The following MAFA variants were observed in gnomAD, a reference collection of about 807,000 sequenced individuals.
MAFA encodes the protein MAF bZIP transcription factor A, also known as transcription factor MafA.
For missense variants in MAFA, 547 were observed against 538.0 expected (o/e 1.02, Z -0.16); for synonymous variants, 244 against 260.3 (o/e 0.94, Z 0.60).
At position 143,430,455 on chromosome 8, in the gene MAFA, G is replaced by T. The variant is rs977553717; in HGVS notation, c.-49C>A. On this transcript the variant is annotated 5_prime_UTR_variant, in exon 1 of 1. Transcript: ENST00000333480. ...CGCCCCGACGGGCGGCGTGGGAGTG[G>T]GGGGGGAGCTGCAGGCCTCTCCCCC... The T allele has an allele frequency of 2.0e-4, 176 of 861,692 alleles. No individual in the cohort carries two copies. The highest frequency in any genetic ancestry group is 2.4e-4 in the Non-Finnish European group (162 of 685,866). 53.4% of individuals were successfully genotyped at this position (861,692 alleles called of 1,614,324 possible).
In MAFA at chr8:143,430,064, C is replaced by G; in HGVS notation, c.343G>C (p.Asp115His). 1.6e-6 allele frequency: 2 copies of G among 1,263,926 alleles called. No homozygotes were observed. The highest frequency in any genetic ancestry group is 7.4e-5 in the East Asian group (2 of 27,018). 78.3% of individuals were successfully genotyped at this position (1,263,926 alleles called of 1,614,324 possible). A position where few individuals can be genotyped will look rare whatever the true frequency, so the allele number is the denominator to read the frequency against. Residue 115 changes from aspartate to histidine, a missense_variant, in exon 1 of 1, where the codon GAT becomes CAT. Transcript: ENST00000333480. Reference protein sequence around the residue: ...GGTSGKPALEDLYWMSGYQHH... With the variant: ...GGTSGKPALEHLYWMSGYQHH... Reference sequence around the variant, plus strand: ...TGGTAGCCGCTCATCCAGTACAGATCCTCCAGCGCCGGCTTCCCCGAGGTG... The same window carrying G: ...TGGTAGCCGCTCATCCAGTACAGATGCTCCAGCGCCGGCTTCCCCGAGGTG...
chr8:143,429,975 G>T lies in MAFA; in HGVS notation c.432C>A (p.Gly144=). 7.6e-7 allele frequency: 1 copy of T among 1,307,380 alleles called. No homozygotes were observed. The highest frequency in any genetic ancestry group is 3.4e-5 in the East Asian group (1 of 29,284). 81.0% of individuals were successfully genotyped at this position (1,307,380 alleles called of 1,614,324 possible). A position where few individuals can be genotyped will look rare whatever the true frequency, so the allele number is the denominator to read the frequency against. Residue 144 remains glycine, a synonymous_variant, in exon 1 of 1, where the codon GGC becomes GGA. Coordinates refer to ENST00000333480, the MANE Select transcript of MAFA (RefSeq NM_201589.4). The surrounding 1 kb of genome is among the most constrained non-coding windows in gnomAD (Gnocchi z 5.9). The part of the protein sequence containing the change: ...TPEDAVEALI[G]SGHHGAHHGA... ...CGTGGTGCGCGCCGTGGTGGCCGCT[G>T]CCGATGAGCGCCTCCACCGCGTCCT...
rs924742995 is a variant in MAFA, at chr8:143,430,583, G to C, written c.-177C>G. 7.0e-6 allele frequency among the ~76,000 whole-genome samples: 1 copy of C among 142,430 alleles called. No individual in the cohort carries two copies. 93.4% of individuals were successfully genotyped at this position (142,430 alleles called of 152,430 possible). Reference sequence around the variant, plus strand: ...GAAAAGTTTCACGTGGTCAACTCCGGGGCGGCGCGCTAGGGGCACCGCTGG... The same window carrying C: ...GAAAAGTTTCACGTGGTCAACTCCGCGGCGGCGCGCTAGGGGCACCGCTGG... On this transcript the variant is annotated 5_prime_UTR_variant, in exon 1 of 1. Transcript: ENST00000333480.
In MAFA at chr8:143,430,110, C is replaced by T. The variant is rs1322270572; in HGVS notation, c.297G>A (p.Gly99=). Residue 99 remains glycine, a synonymous_variant, in exon 1 of 1, where the codon GGG becomes GGA. Transcript: ENST00000333480. ...AGGTGCCCCCGACGGCGCCGGGGCC[C>T]CCGCTCGGCGGCCCGGGGGCGCCCC... ...QAGGAPGPPS[G]GPGAVGGTSG... is the part of the protein sequence containing the mutation. 3 of 1,127,400 alleles carry T rather than the reference C, an allele frequency of 2.7e-6. No homozygotes were observed. Among genetic ancestry groups the T allele is most frequent in the Admixed American group, 5.1e-5 (1 of 19,600 alleles). 69.8% of individuals were successfully genotyped at this position (1,127,400 alleles called of 1,614,324 possible).
rs1037978874 is a variant in MAFA at position 143,429,605 on chromosome 8, C to A, written c.802G>T (p.Ala268Ser). The change falls in exon 1 of 1, where the codon GCG becomes TCG. Residue 268 changes from alanine (A) to serine (S), a missense_variant. By Grantham distance (99) the Ala-to-Ser change is moderately conservative. Coordinates refer to ENST00000333480, the MANE Select transcript of MAFA (RefSeq NM_201589.4). This position sits in a 1 kb window ranked among gnomAD's most constrained non-coding sequence, Gnocchi z 5.9. ...ACCCGCTTGAAGCGGCAGGACTGCG[C>A]GTAGCCGCGGTTCTTGAGCGTGCGC... ...KRRTLKNRGY[A>S]QSCRFKRVQQ... is the part of the protein sequence containing the mutation. 6.2e-7 allele frequency: 1 copy of A among 1,600,232 alleles called. No homozygotes were observed. Among genetic ancestry groups the A allele is most frequent in the Non-Finnish European group, 8.5e-7 (1 of 1,178,628 alleles).
chr8:143,429,932 C>A lies in MAFA; in HGVS notation c.475G>T (p.Ala159Ser). The A allele has an allele frequency of 6.3e-6, 8 of 1,262,596 alleles. No homozygotes were observed. The highest frequency in any genetic ancestry group is 7.9e-6 in the Non-Finnish European group (8 of 1,007,958). The allele number at this position is 1,262,596 out of a possible 1,614,324, so 78.2% of individuals were successfully genotyped here. A position where few individuals can be genotyped will look rare whatever the true frequency, so the allele number is the denominator to read the frequency against. ...CGGAAAGCCTCGTAGGCTGCGGCGG[C>A]CGCCGGGTGGTGCGCGCCGTGGTGC... Reference protein sequence around the residue: ...GAHHGAHHPAAAAAYEAFRGP... With the variant: ...GAHHGAHHPASAAAYEAFRGP... The change falls in exon 1 of 1, where the codon GCC (alanine) becomes TCC (serine). Residue 159 changes from alanine to serine, a missense_variant. Ala to Ser is a moderately conservative substitution (Grantham distance 99, BLOSUM62 1). Transcript: ENST00000333480. This position sits in a 1 kb window ranked among gnomAD's most constrained non-coding sequence, Gnocchi z 5.9.
rs1233018780 is a variant in MAFA at position 143,429,947 on chromosome 8, C to G, written c.460G>C (p.Ala154Pro). ...GSGHHGAHHG[A>P]HHPAAAAAYE... ...GCTGCGGCGGCCGCCGGGTGGTGCG[C>G]GCCGTGGTGCGCGCCGTGGTGGCCG... The change falls in exon 1 of 1, where the codon GCG (alanine) becomes CCG (proline). Residue 154 changes from alanine to proline, a missense_variant. Coordinates refer to ENST00000333480, the MANE Select transcript of MAFA (RefSeq NM_201589.4). This position sits in a 1 kb window ranked among gnomAD's most constrained non-coding sequence, Gnocchi z 5.9. The G allele has an allele frequency of 3.2e-6, 4 of 1,261,144 alleles. No individual in the cohort carries two copies. The highest frequency in any genetic ancestry group is 4.0e-6 in the Non-Finnish European group (4 of 1,004,654). 78.1% of individuals were successfully genotyped at this position (1,261,144 alleles called of 1,614,324 possible). A position where few individuals can be genotyped will look rare whatever the true frequency, so the allele number is the denominator to read the frequency against.
chr8:143,430,002 G>C lies in MAFA; in HGVS notation c.405C>G (p.Pro135=). ...CGATGAGCGCCTCCACCGCGTCCTC[G>C]GGCGTCAGGTTGAGCGCCTCGGGGT... ...HLNPEALNLT[P]EDAVEALIGS... Residue 135 remains proline, a synonymous_variant, in exon 1 of 1, where the codon CCC becomes CCG. Coordinates refer to ENST00000333480, the MANE Select transcript of MAFA (RefSeq NM_201589.4). 2 of 1,362,982 alleles carry C rather than the reference G, an allele frequency of 1.5e-6. No homozygotes were observed. Among genetic ancestry groups the C allele is most frequent in the Non-Finnish European group, 1.9e-6 (2 of 1,049,816 alleles). 84.4% of individuals were successfully genotyped at this position (1,362,982 alleles called of 1,614,324 possible). A position where few individuals can be genotyped will look rare whatever the true frequency, so the allele number is the denominator to read the frequency against.
rs770377222 is a variant in MAFA at position 143,429,978 on chromosome 8, G to A, written c.429C>T (p.Ile143=). 8 of 1,310,086 alleles carry A rather than the reference G, an allele frequency of 6.1e-6. No individual in the cohort carries two copies. The South Asian group carries it at 9.7e-5, about 16-fold the overall frequency. The allele number at this position is 1,310,086 out of a possible 1,614,324, so 81.2% of individuals were successfully genotyped here. A position where few individuals can be genotyped will look rare whatever the true frequency, so the allele number is the denominator to read the frequency against. ...GGTGCGCGCCGTGGTGGCCGCTGCCGATGAGCGCCTCCACCGCGTCCTCGG... is the reference window on the plus strand; with the variant it reads ...GGTGCGCGCCGTGGTGGCCGCTGCCAATGAGCGCCTCCACCGCGTCCTCGG... The part of the protein sequence containing the change: ...LTPEDAVEAL[I]GSGHHGAHHG... Residue 143 remains isoleucine (I), a synonymous_variant, in exon 1 of 1, where the codon ATC becomes ATT. Coordinates refer to ENST00000333480, the MANE Select transcript of MAFA (RefSeq NM_201589.4). The surrounding 1 kb of genome is among the most constrained non-coding windows in gnomAD (Gnocchi z 5.9).
Position 143,429,269 on chromosome 8 carries a change from G to A in MAFA, c.*76C>T. 1 of 1,278,982 alleles carries A rather than the reference G, an allele frequency of 7.8e-7. No individual in the cohort carries two copies. Among genetic ancestry groups the A allele is most frequent in the Non-Finnish European group, 9.8e-7 (1 of 1,020,554 alleles). 79.2% of individuals were successfully genotyped at this position (1,278,982 alleles called of 1,614,324 possible). ...CCTGGTGTCCACGTCCTGTACCGCGGAGTCCGAGCCGAGGCCCCGAGAGGC... is the reference window on the plus strand; with the variant it reads ...CCTGGTGTCCACGTCCTGTACCGCGAAGTCCGAGCCGAGGCCCCGAGAGGC... On this transcript the variant is annotated 3_prime_UTR_variant, in exon 1 of 1. Transcript: ENST00000333480. The surrounding 1 kb of genome is among the most constrained non-coding windows in gnomAD (Gnocchi z 5.9).
rs745734545 is a variant in MAFA at position 143,429,753 on chromosome 8, GCCCGCGCCACCGCCGTGT to G, written c.636_653del (p.Gly214_His219del). 6 of 1,538,210 alleles carry G rather than the reference GCCCGCGCCACCGCCGTGT, an allele frequency of 3.9e-6. No homozygotes were observed. The highest frequency in any genetic ancestry group is 1.9e-4 in the Middle Eastern group (1 of 5,220). On this transcript the variant is annotated inframe_deletion, in exon 1 of 1. Transcript: ENST00000333480. This position sits in a 1 kb window ranked among gnomAD's most constrained non-coding sequence, Gnocchi z 5.9. The stretch of plus-strand genomic sequence containing the variant: ...AGCGCTCCTCCAGGCGCACGTGGTG[GCCCGCGCCACCGCCGTGT>G]CCCGCGCCGCCATGGTGGTGGTGGT...
Position 143,430,018 on chromosome 8 carries a change from G to A in MAFA, c.389C>T (p.Ala130Val). 7.3e-7 allele frequency: 1 copy of A among 1,372,006 alleles called. No homozygotes were observed. The highest frequency in any genetic ancestry group is 9.5e-7 in the Non-Finnish European group (1 of 1,053,402). The allele number at this position is 1,372,006 out of a possible 1,614,324, so 85.0% of individuals were successfully genotyped here. Reference sequence around the variant, plus strand: ...CGCGTCCTCGGGCGTCAGGTTGAGCGCCTCGGGGTTGAGGTGATGCTGGTA... The same window carrying A: ...CGCGTCCTCGGGCGTCAGGTTGAGCACCTCGGGGTTGAGGTGATGCTGGTA... ...SGYQHHLNPE[A>V]LNLTPEDAVE... Residue 130 changes from alanine to valine, a missense_variant, in exon 1 of 1, where the codon GCG (alanine) becomes GTG (valine). Physicochemically the swap from Ala to Val is moderately conservative, Grantham distance 64. Transcript: ENST00000333480.
At position 143,429,935 on chromosome 8, in the gene MAFA, C is replaced by A; in HGVS notation, c.472G>T (p.Ala158Ser). The change falls in exon 1 of 1, where the codon GCG becomes TCG. Residue 158 changes from alanine (A) to serine (S), a missense_variant. By Grantham distance (99) the Ala-to-Ser change is moderately conservative. Coordinates refer to ENST00000333480, the MANE Select transcript of MAFA (RefSeq NM_201589.4). This position sits in a 1 kb window ranked among gnomAD's most constrained non-coding sequence, Gnocchi z 5.9. ...HGAHHGAHHP[A>S]AAAAYEAFRG... is the part of the protein sequence containing the mutation. ...AAAGCCTCGTAGGCTGCGGCGGCCG[C>A]CGGGTGGTGCGCGCCGTGGTGCGCG... 7.9e-7 allele frequency: 1 copy of A among 1,259,170 alleles called. No homozygotes were observed. The allele number at this position is 1,259,170 out of a possible 1,614,324, so 78.0% of individuals were successfully genotyped here.
In MAFA at chr8:143,430,663, C is replaced by CGCCTCCTCCCCGCGGCCGCT. The variant is rs1189561827; in HGVS notation, c.-258_-257insAGCGGCCGCGGGGAGGAGGC. ...GTCGCCGCCTCCTCCCCGCGGCCGC[C>CGCCTCCTCCCCGCGGCCGCT]GCCTCGGGCTGCTCCGGGACCGCTC... On this transcript the variant is annotated 5_prime_UTR_variant, in exon 1 of 1. Coordinates refer to ENST00000333480, the MANE Select transcript of MAFA (RefSeq NM_201589.4). Among the ~76,000 whole-genome samples the CGCCTCCTCCCCGCGGCCGCT allele has an allele frequency of 1.1e-4, 16 of 147,500 alleles. No individual in the cohort carries two copies. Among genetic ancestry groups the CGCCTCCTCCCCGCGGCCGCT allele is most frequent in the Non-Finnish European group, 3.0e-5 (2 of 66,306 alleles).
chr8:143,429,369 C>T lies in MAFA; in HGVS notation c.1038G>A (p.Lys346=). The change falls in exon 1 of 1, where the codon AAG becomes AAA. Residue 346 remains lysine (K), a synonymous_variant. Transcript: ENST00000333480. The surrounding 1 kb of genome is among the most constrained non-coding windows in gnomAD (Gnocchi z 5.9). Reference sequence around the variant, plus strand: ...CCTACAGGAAGAAGTCGGCCGTGCCCTTGGCCCCGCCGGGACCGGCCTGCG... The same window carrying T: ...CCTACAGGAAGAAGTCGGCCGTGCCTTTGGCCCCGCCGGGACCGGCCTGCG... ...SPPQAGPGGA[K]GTADFFL The T allele has an allele frequency of 1.4e-6, 2 of 1,400,544 alleles. No individual in the cohort carries two copies. Among genetic ancestry groups the T allele is most frequent in the South Asian group, 1.5e-5 (1 of 64,792 alleles). 86.8% of individuals were successfully genotyped at this position (1,400,544 alleles called of 1,614,324 possible). A position where few individuals can be genotyped will look rare whatever the true frequency, so the allele number is the denominator to read the frequency against.
chr8:143,430,347 G>A lies in MAFA; in HGVS notation c.60C>T (p.Tyr20=). 2 of 1,445,808 alleles carry A rather than the reference G, an allele frequency of 1.4e-6. No homozygotes were observed. The highest frequency in any genetic ancestry group is 3.2e-5 in the East Asian group (1 of 30,918). 89.6% of individuals were successfully genotyped at this position (1,445,808 alleles called of 1,614,324 possible). A position where few individuals can be genotyped will look rare whatever the true frequency, so the allele number is the denominator to read the frequency against. ...ELPSSPLAIE[Y]VNDFDLMKFE... ...ACTTCATCAGGTCGAAGTCGTTGAC[G>A]TACTCGATGGCCAGCGGGCTGCTGG... The change falls in exon 1 of 1, where the codon TAC becomes TAT. Residue 20 remains tyrosine (Y), a synonymous_variant. Transcript: ENST00000333480.
rs1326655035 is a variant in MAFA at position 143,429,879 on chromosome 8, T to C, written c.528A>G (p.Gly176=). 2.3e-6 allele frequency: 3 copies of C among 1,309,438 alleles called. No homozygotes were observed. Among genetic ancestry groups the C allele is most frequent in the Non-Finnish European group, 2.9e-6 (3 of 1,037,846 alleles). The allele number at this position is 1,309,438 out of a possible 1,614,324, so 81.1% of individuals were successfully genotyped here. Residue 176 remains glycine, a synonymous_variant, in exon 1 of 1, where the codon GGA becomes GGG. Coordinates refer to ENST00000333480, the MANE Select transcript of MAFA (RefSeq NM_201589.4). The surrounding 1 kb of genome is among the most constrained non-coding windows in gnomAD (Gnocchi z 5.9). ...FRGPGFAGGG[G]ADDMGAGHHH... ...GGTGGCCGGCGCCCATGTCGTCCGC[T>C]CCGCCGCCGCCCGCGAAGCCCGGGC... is the stretch of plus-strand genomic sequence containing the variant.
chr8:143,429,916 T>C lies in MAFA; in HGVS notation c.491A>G (p.Glu164Gly), dbSNP rs1819514032. ...AHHPAAAAAYEAFRGPGFAGG... is the reference protein window; with the variant it reads ...AHHPAAAAAYGAFRGPGFAGG... ...CGCGAAGCCCGGGCCGCGGAAAGCC[T>C]CGTAGGCTGCGGCGGCCGCCGGGTG... The change falls in exon 1 of 1, where the codon GAG becomes GGG. Residue 164 changes from glutamate to glycine, a missense_variant. Transcript: ENST00000333480. This position sits in a 1 kb window ranked among gnomAD's most constrained non-coding sequence, Gnocchi z 5.9. 7.9e-7 allele frequency: 1 copy of C among 1,265,622 alleles called. No individual in the cohort carries two copies. Among genetic ancestry groups the C allele is most frequent in the African/African-American group, 1.6e-5 (1 of 60,638 alleles). 78.4% of individuals were successfully genotyped at this position (1,265,622 alleles called of 1,614,324 possible). A position where few individuals can be genotyped will look rare whatever the true frequency, so the allele number is the denominator to read the frequency against.
Position 143,429,720 on chromosome 8 carries a change from G to C in MAFA, c.687C>G (p.Asp229Glu), listed in dbSNP as rs1218449444. The change falls in exon 1 of 1, where the codon GAC becomes GAG. Residue 229 changes from aspartate to glutamate, a missense_variant. By Grantham distance (45) the Asp-to-Glu change is conservative. Coordinates refer to ENST00000333480, the MANE Select transcript of MAFA (RefSeq NM_201589.4). The surrounding 1 kb of genome is among the most constrained non-coding windows in gnomAD (Gnocchi z 5.9). The stretch of plus-strand genomic sequence containing the variant: ...GCACCGACATGGACACCAGCTGGTC[G>C]TCGGAGAAGCGCTCCTCCAGGCGCA... ...HHVRLEERFS[D>E]DQLVSMSVRE... 9.0e-6 allele frequency: 14 copies of C among 1,557,546 alleles called. No homozygotes were observed. The highest frequency in any genetic ancestry group is 1.1e-5 in the Non-Finnish European group (13 of 1,158,992).
Sources: allele counts gnomAD v4.1 joint callset (sites outside exome capture counted in the v4.1 genomes callset), GRCh38; gene constraint gnomAD v4.1.1; non-coding constraint Gnocchi (gnomAD v3.1); transcripts MANE v1.5; gene names NCBI Gene and HGNC (gene_info 2026-07-23, HGNC 2026-07-21).